The following CCDC85C variants were observed in gnomAD, a reference collection of about 807,000 sequenced individuals.
The protein encoded by CCDC85C is coiled-coil domain-containing protein 85C.
In CCDC85C, 18 loss-of-function variants were observed where a neutral mutation model predicts 38.3. The ratio of observed to expected loss-of-function variants is 0.47; its 90% confidence interval spans 0.33 to 0.70. CCDC85C has a LOEUF of 0.70. Ranked by LOEUF, CCDC85C falls within the 30% of genes least tolerant of loss-of-function variation. The pLI, the probability that CCDC85C is intolerant of heterozygous loss-of-function variation, is 0.03. For synonymous variants in CCDC85C, 264 were observed against 293.8 expected, an observed-to-expected ratio of 0.90 and a Z score of 1.04; for missense variants, 566 against 621.2, an observed-to-expected ratio of 0.91 and a Z score of 0.94.
Position 99,520,425 on chromosome 14 carries a change from CCGACCAGCCCCGA to C in CCDC85C, c.975+1695_975+1707del, listed in dbSNP as rs1897286503. Among the ~76,000 whole-genome samples the C allele has an allele frequency of 6.7e-6, 1 of 150,318 alleles. No individual in the cohort carries two copies. Among genetic ancestry groups the C allele is most frequent in the Non-Finnish European group, 1.5e-5 (1 of 67,552 alleles). On this transcript the variant is annotated intron_variant, in intron 3 of 5. Transcript: ENST00000380243. This position sits in a 1 kb window ranked among gnomAD's most constrained non-coding sequence, Gnocchi z 4.1. ...ACCCCCACTCCTGGGGGCCTGCCCG[CCGACCAGCCCCGA>C]TCACGGCCCCTGCACCTCAGTTCAT...
At chr14:99,583,807 TAAAAAAAAAA>T in intron 1 of CCDC85C, among the ~76,000 whole-genome samples, 1 of 115,150 alleles carries the variant, frequency 8.7e-6, no homozygotes, top group African/African-American at 3.1e-5. Context: ...GGCTCTGTCT[TAAAAAAAAAA>T]AAAAAAAAAA....
At position 99,604,046 on chromosome 14, in the gene CCDC85C, G is replaced by T; in HGVS notation, c.-87C>A. On this transcript the variant is annotated 5_prime_UTR_variant, in exon 1 of 6. Coordinates refer to ENST00000380243, the MANE Select transcript of CCDC85C (RefSeq NM_001144995.2). ...GGCTCCGCTGGGCCGGTCCGCGCGC[G>T]GGCGGGGGGCGGCCGGGGGCGCGTG... 2 of 979,814 alleles carry T rather than the reference G, an allele frequency of 2.0e-6. No individual in the cohort carries two copies. Among genetic ancestry groups the T allele is most frequent in the Non-Finnish European group, 2.4e-6 (2 of 828,040 alleles). 60.7% of individuals were successfully genotyped at this position (979,814 alleles called of 1,614,324 possible).
Position 99,517,125 on chromosome 14 carries a change from G to A in CCDC85C, c.1034C>T (p.Ala345Val). ...PSPPSAGYSP[A>V]GQKPEAVVHA... ...CACGACAGCCTCGGGCTTCTGTCCT[G>A]CAGGGCTGTAGCCAGCAGAGGGGGG... The change falls in exon 4 of 6, where the codon GCA (alanine) becomes GTA (valine). Residue 345 changes from alanine to valine, a missense_variant. By Grantham distance (64) the Ala-to-Val change is moderately conservative. Coordinates refer to ENST00000380243, the MANE Select transcript of CCDC85C (RefSeq NM_001144995.2). The A allele has an allele frequency of 6.4e-7, 1 of 1,550,460 alleles. No individual in the cohort carries two copies. Among genetic ancestry groups the A allele is most frequent in the Non-Finnish European group, 8.7e-7 (1 of 1,146,892 alleles).
Position 99,505,672 on chromosome 14 carries a change from A to G in CCDC85C, c.*9574T>C, listed in dbSNP as rs1747852846. On this transcript the variant is annotated 3_prime_UTR_variant, in exon 6 of 6. Transcript: ENST00000380243. ...GGAGTTCCAGGCCAGACTGGGCCAC[A>G]TAGGGTGACCCCATCACTACACAAA... The G allele has an allele frequency of 6.6e-6, 1 of 152,158 alleles. No individual in the cohort carries two copies. Among genetic ancestry groups the G allele is most frequent in the Admixed American group, 6.5e-5 (1 of 15,270 alleles). 9.4% of individuals were successfully genotyped at this position (152,158 alleles called of 1,614,324 possible). A position where few individuals can be genotyped will look rare whatever the true frequency, so the allele number is the denominator to read the frequency against.
intron 1 of CCDC85C, among the ~76,000 whole-genome samples, chr14:99,579,561 A>G (rs1211047645): frequency 2.0e-5 from 3 of 152,078 alleles, no homozygotes; most frequent in African/African-American, 7.2e-5. Context: ...CTCACTCCCA[A>G]CTCTTCCTGG....
intron 1 of CCDC85C, among the ~76,000 whole-genome samples, chr14:99,583,634 G>A (rs935815168): frequency 2.0e-5 from 3 of 151,340 alleles, no homozygotes; most frequent in African/African-American, 2.4e-5. Flanking sequence ...GTAAAACCAC[G>A]TCTCTACTAA....
At chr14:99,560,365 A>G (rs1055419806) in intron 1 of CCDC85C, among the ~76,000 whole-genome samples, 6 of 152,162 alleles carry the variant, frequency 3.9e-5, no homozygotes, top group Non-Finnish European at 8.8e-5. Context: ...CAGTTTTCCC[A>G]TCTGTAAAAT....
At chr14:99,593,824 A>T (rs1339981480) in intron 1 of CCDC85C, among the ~76,000 whole-genome samples, 2 of 152,236 alleles carry the variant, frequency 1.3e-5, no homozygotes, top group Admixed American at 6.5e-5. Flanking sequence ...TGACACCAGG[A>T]CCAACTGCAC....
At position 99,558,182 on chromosome 14, in the gene CCDC85C, G is replaced by T. The variant is rs1343777102; in HGVS notation, c.794-22094C>A. Reference sequence around the variant, plus strand: ...GACTGATGGCAGAGAACTCAGCCGTGTGAAAGCCACTGGCCTTCATCATCT... The same window carrying T: ...GACTGATGGCAGAGAACTCAGCCGTTTGAAAGCCACTGGCCTTCATCATCT... On this transcript the variant is annotated intron_variant, in intron 1 of 5. Coordinates refer to ENST00000380243, the MANE Select transcript of CCDC85C (RefSeq NM_001144995.2). This position sits in a 1 kb window ranked among gnomAD's most constrained non-coding sequence, Gnocchi z 4.2. Among the ~76,000 whole-genome samples the T allele has an allele frequency of 1.3e-5, 2 of 152,310 alleles. No homozygotes were observed. The highest frequency in any genetic ancestry group is 3.9e-4 in the East Asian group (2 of 5,182).
In CCDC85C at chr14:99,535,809, T is replaced by C. The variant is rs959906184; in HGVS notation, c.867+206A>G. On this transcript the variant is annotated intron_variant, in intron 2 of 5. Coordinates refer to ENST00000380243, the MANE Select transcript of CCDC85C (RefSeq NM_001144995.2). This position sits in a 1 kb window ranked among gnomAD's most constrained non-coding sequence, Gnocchi z 5.5. ...CCTGAGGAGCTCGCATACTGGGCAG[T>C]CAGCATGGAAGGTTGGGCAGAGGGA... Among the ~76,000 whole-genome samples the C allele has an allele frequency of 2.0e-5, 3 of 152,076 alleles. No individual in the cohort carries two copies. Among genetic ancestry groups the C allele is most frequent in the Non-Finnish European group, 4.4e-5 (3 of 68,002 alleles).
chr14:99,528,680 G>A (rs1041264921), intron 2 of CCDC85C, among the ~76,000 whole-genome samples: 2 of 152,218 alleles, frequency 1.3e-5, no homozygotes, highest in Non-Finnish European at 2.9e-5. Flanking sequence ...GGGGATGCAC[G>A]CCCTATCTGG....
chr14:99,536,286 C>T (rs1347575494), intron 1 of CCDC85C, among the ~76,000 whole-genome samples, 198 bp from the exon 2 acceptor site: 1 of 152,204 alleles, frequency 6.6e-6, no homozygotes, highest in Non-Finnish European at 1.5e-5. Context: ...AGGCTTCCGG[C>T]CATAGGGCAC....
rs532436153 is a variant in CCDC85C, at chr14:99,507,111, A to G, written c.*8135T>C. 1.9e-6 allele frequency: 3 copies of G among 1,612,590 alleles called. No homozygotes were observed. The highest frequency in any genetic ancestry group is 2.5e-6 in the Non-Finnish European group (3 of 1,178,772). On this transcript the variant is annotated 3_prime_UTR_variant, in exon 6 of 6. Transcript: ENST00000380243. ...ACCTAAAATCCCCAAAATTGAGACC[A>G]CTCATCCACCGTTGCCTCCAGCCCA...
rs1372501883 is a variant in CCDC85C, at chr14:99,503,274, T to C, written c.*11972A>G. ...CGGTGTCGTTGCCGTGTCCTAGCAG[T>C]GTCGTTGTGCATGCTGCTTCTGTGC... On this transcript the variant is annotated 3_prime_UTR_variant, in exon 6 of 6. Transcript: ENST00000380243. 1.6e-6 allele frequency: 1 copy of C among 626,498 alleles called. No homozygotes were observed. Among genetic ancestry groups the C allele is most frequent in the Non-Finnish European group, 2.9e-6 (1 of 347,808 alleles). 38.8% of individuals were successfully genotyped at this position (626,498 alleles called of 1,614,324 possible).
chr14:99,550,908 G>T (rs1019613718), intron 1 of CCDC85C, among the ~76,000 whole-genome samples: 1 of 152,164 alleles, frequency 6.6e-6, no homozygotes, highest in Non-Finnish European at 1.5e-5. Flanking sequence ...GCTCACCTGG[G>T]TCCAGCTCGA....
chr14:99,507,247 G>A lies in CCDC85C; in HGVS notation c.*7999C>T. 2.5e-6 allele frequency: 2 copies of A among 787,018 alleles called. No individual in the cohort carries two copies. Among genetic ancestry groups the A allele is most frequent in the South Asian group, 2.7e-5 (2 of 73,286 alleles). 48.8% of individuals were successfully genotyped at this position (787,018 alleles called of 1,614,324 possible). ...CTTAGAAAAGGGAGACTGGGGCCCA[G>A]ATTGACAATGTCAGCCACAGGCAGG... On this transcript the variant is annotated 3_prime_UTR_variant, in exon 6 of 6. Coordinates refer to ENST00000380243, the MANE Select transcript of CCDC85C (RefSeq NM_001144995.2).
In CCDC85C at chr14:99,604,189, C is replaced by CGGGCGCTCTCA. The variant is rs1460497125; in HGVS notation, c.-241_-231dup. Among the ~76,000 whole-genome samples, 6 of 148,270 alleles carry CGGGCGCTCTCA rather than the reference C, an allele frequency of 4.0e-5. No homozygotes were observed. Among genetic ancestry groups the CGGGCGCTCTCA allele is most frequent in the Non-Finnish European group, 9.0e-5 (6 of 66,508 alleles). Reference sequence around the variant, plus strand: ...GCTGCTGCGTCGGCGGCCGCGGTGCCGGGCGCTCTCAGGGTTCTGGAGAAG... The same window carrying CGGGCGCTCTCA: ...GCTGCTGCGTCGGCGGCCGCGGTGCCGGGCGCTCTCAGGGCGCTCTCAGGGTTCTGGAGAAG... On this transcript the variant is annotated 5_prime_UTR_variant, in exon 1 of 6. Transcript: ENST00000380243.
chr14:99,594,532 TA>T (rs1375287681), intron 1 of CCDC85C, among the ~76,000 whole-genome samples: 3 of 152,164 alleles, frequency 2.0e-5, no homozygotes, highest in Non-Finnish European at 2.9e-5. Flanking sequence ...AGGCAGGTGA[TA>T]AAACCCAGGC....
At chr14:99,578,730 G>T (rs779214195) in intron 1 of CCDC85C, among the ~76,000 whole-genome samples, 1 of 152,226 alleles carries the variant, frequency 6.6e-6, no homozygotes. Flanking sequence ...AGTTCATCAC[G>T]TGTAATCGGG....
Sources: gnomAD v4.1 joint callset for allele counts (sites outside exome capture counted in the v4.1 genomes callset) on GRCh38, gnomAD v4.1.1 for gene constraint, Gnocchi (gnomAD v3.1) non-coding constraint, MANE v1.5 for transcripts, NCBI Gene and HGNC (gene_info 2026-07-23, HGNC 2026-07-21) for gene names.